PTPRA: variants seen among roughly 807,000 people sequenced by gnomAD.
PTPRA encodes receptor-type tyrosine-protein phosphatase alpha.
PTPRA carries 25 observed loss-of-function variants against 104.8 expected under a neutral mutation model. The ratio of observed to expected loss-of-function variants is 0.24; its 90% CI spans 0.17 to 0.33. The LOEUF is 0.33. PTPRA is among the 10% of genes least tolerant of loss of function. The pLI, the probability that PTPRA is intolerant of heterozygous loss-of-function variation, is 1.00. For missense variants in PTPRA, 765 were observed against 1,015.3 expected, an observed-to-expected ratio of 0.75 and a Z score of 3.35; for synonymous variants, 323 against 368.9, an observed-to-expected ratio of 0.88 and a Z score of 1.43.
intron 1 of PTPRA, among the ~76,000 whole-genome samples, chr20:2,897,887 T>C (rs934910850): frequency 2.6e-5 from 4 of 151,376 alleles, no homozygotes; most frequent in Non-Finnish European, 5.9e-5. Flanking sequence ...CTGTGTCCTT[T>C]TTCCATGTCC....
At chr20:3,020,086 G>A (rs964106584) in intron 13 of PTPRA, among the ~76,000 whole-genome samples, 5 of 151,968 alleles carry the variant, frequency 3.3e-5, no homozygotes, top group Non-Finnish European at 5.9e-5. Context: ...GAGGGAGACC[G>A]TGGGGAGAGG....
chr20:2,879,876 A>G (rs1022438200), intron 1 of PTPRA, among the ~76,000 whole-genome samples: 1 of 152,208 alleles, frequency 6.6e-6, no homozygotes, highest in Non-Finnish European at 1.5e-5. Context: ...ATTTTGTGTA[A>G]GTACCTTTTA....
At chr20:2,940,058 T>C (rs1207234103) in intron 2 of PTPRA, among the ~76,000 whole-genome samples, 1 of 152,212 alleles carries the variant, frequency 6.6e-6, no homozygotes, top group African/African-American at 2.4e-5. Context: ...TGCAGTGAGC[T>C]GAGATCGCGC....
chr20:2,934,176 T>C (rs2060607809), intron 2 of PTPRA, among the ~76,000 whole-genome samples: 1 of 152,124 alleles, frequency 6.6e-6, no homozygotes, highest in African/African-American at 2.4e-5. Context: ...CAATCATGGC[T>C]CACTGCGGCA....
chr20:2,896,463 G>C (rs1745355147), intron 1 of PTPRA, among the ~76,000 whole-genome samples: 2 of 152,194 alleles, frequency 1.3e-5, no homozygotes, highest in Admixed American at 6.5e-5. Flanking sequence ...GAAATTGTTG[G>C]TATTTATTTG....
At chr20:3,020,579 T>C (rs192065273) in intron 13 of PTPRA, among the ~76,000 whole-genome samples, 1 of 152,334 alleles carries the variant, frequency 6.6e-6, no homozygotes, top group Non-Finnish European at 1.5e-5. Context: ...TAACTGGGCC[T>C]TTTCCTTTTG....
At chr20:2,878,792 A>G (rs2089892347) in intron 1 of PTPRA, among the ~76,000 whole-genome samples, 1 of 152,242 alleles carries the variant, frequency 6.6e-6, no homozygotes, top group African/African-American at 2.4e-5. Flanking sequence ...ACCTTGAATT[A>G]GGTTTAATTT....
the PTPRA span, chr20:2,866,516 C>T: frequency 1.2e-6 from 2 of 1,614,180 alleles, no homozygotes; most frequent in Admixed American, 1.7e-5. Flanking sequence ...ACGGGAGCCA[C>T]AGATGGGGCC....
At chr20:3,013,953 C>T (rs2064308126) in intron 11 of PTPRA, among the ~76,000 whole-genome samples, 1 of 152,180 alleles carries the variant, frequency 6.6e-6, no homozygotes, top group African/African-American at 2.4e-5. Flanking sequence ...GCATATGACG[C>T]ACTCCTGGTA....
At chr20:2,984,851 G>A (rs950808683) in intron 6 of PTPRA, among the ~76,000 whole-genome samples, 2 of 152,040 alleles carry the variant, frequency 1.3e-5, no homozygotes, top group South Asian at 2.1e-4. Flanking sequence ...TTCACTTCAC[G>A]TTATTTAGAG....
chr20:2,916,214 A>AT (rs1264081632), intron 1 of PTPRA, among the ~76,000 whole-genome samples: 2 of 151,306 alleles, frequency 1.3e-5, no homozygotes, highest in Non-Finnish European at 2.9e-5. Flanking sequence ...TAATTTTTGT[A>AT]TTTTTTCTAG....
At position 3,038,210 on chromosome 20, in the gene PTPRA, A is replaced by C; in HGVS notation, c.*77A>C. The C allele has an allele frequency of 7.4e-7, 1 of 1,343,468 alleles. No individual in the cohort carries two copies. Among genetic ancestry groups the C allele is most frequent in the Non-Finnish European group, 1.1e-6 (1 of 940,684 alleles). 83.2% of individuals were successfully genotyped at this position (1,343,468 alleles called of 1,614,324 possible). A position where few individuals can be genotyped will look rare whatever the true frequency, so the allele number is the denominator to read the frequency against. ...ATTCTGTTTTGTTAATATACCCCAA[A>C]TTGTGTATATATCTTATAACTGTTT... On this transcript the variant is annotated 3_prime_UTR_variant, in exon 24 of 24. Transcript: ENST00000399903.
rs911504645 is a variant in PTPRA at position 2,873,730 on chromosome 20, T to TC, written c.-155dup. On this transcript the variant is annotated 5_prime_UTR_variant, in exon 1 of 24. Transcript: ENST00000399903. This position sits in a 1 kb window ranked among gnomAD's most constrained non-coding sequence, Gnocchi z 4.4. Reference sequence around the variant, plus strand: ...AGCCGAGGCGGAGCCGCTGTCCTCGTCCCCAGCGGTCCCGCCCAACGCCCG... The same window carrying TC: ...AGCCGAGGCGGAGCCGCTGTCCTCGTCCCCCAGCGGTCCCGCCCAACGCCCG... 5 of 151,544 alleles carry TC rather than the reference T, an allele frequency of 3.3e-5. No homozygotes were observed. The highest frequency in any genetic ancestry group is 7.4e-5 in the Non-Finnish European group (5 of 67,830). 9.4% of individuals were successfully genotyped at this position (151,544 alleles called of 1,614,324 possible).
intron 9 of PTPRA, among the ~76,000 whole-genome samples, chr20:2,996,050 G>A (rs774317921): frequency 4.6e-5 from 7 of 152,074 alleles, no homozygotes; most frequent in Admixed American, 2.0e-4. Context: ...CATCACCCAC[G>A]TTTCCCCTAG....
At chr20:2,951,118 TA>T (rs775100211) in intron 3 of PTPRA, among the ~76,000 whole-genome samples, 17 of 151,760 alleles carry the variant, frequency 1.1e-4, no homozygotes, top group Admixed American at 7.9e-4. Context: ...CTTTTTTTTT[TA>T]GACGGAGTCT....
chr20:2,931,443 ACAG>A (rs2060499640), intron 2 of PTPRA, among the ~76,000 whole-genome samples: 1 of 104,928 alleles, frequency 9.5e-6, no homozygotes. Context: ...AAGGTGATAG[ACAG>A]TCAGCAGGCA....
At chr20:3,014,054 G>C (rs942621777) in intron 11 of PTPRA, among the ~76,000 whole-genome samples, 5 of 152,184 alleles carry the variant, frequency 3.3e-5, no homozygotes, top group African/African-American at 1.2e-4. Flanking sequence ...ATTTAGCAGT[G>C]ACTCCTCATG....
chr20:3,007,494 T>C, intron 11 of PTPRA, 74 bp downstream of exon 11: 1 of 1,432,050 alleles, frequency 7.0e-7, no homozygotes, highest in Non-Finnish European at 9.8e-7. Context: ...TCCCCAGCTG[T>C]GTGTTAGGAG....
In PTPRA at chr20:2,910,305, T is replaced by A. The variant is rs528180005; in HGVS notation, c.-128-12902T>A. Among the ~76,000 whole-genome samples, 444 of 111,682 alleles carry A rather than the reference T, an allele frequency of 4.0e-3. 2 individuals are homozygous for A. Among genetic ancestry groups the A allele is most frequent in the African/African-American group, 0.013 (410 of 31,332 alleles). The allele number at this position is 111,682 out of a possible 152,430, so 73.3% of individuals were successfully genotyped here. A position where few individuals can be genotyped will look rare whatever the true frequency, so the allele number is the denominator to read the frequency against. Reference sequence around the variant, plus strand: ...TTATATATAATATGTATTATATATTTTATATATTATAATATATATTTTATA... The same window carrying A: ...TTATATATAATATGTATTATATATTATATATATTATAATATATATTTTATA... On this transcript the variant is annotated intron_variant, in intron 1 of 23. Transcript: ENST00000399903.
Sources: allele counts gnomAD v4.1 joint callset (sites outside exome capture counted in the v4.1 genomes callset), GRCh38; gene constraint gnomAD v4.1.1; non-coding constraint Gnocchi (gnomAD v3.1); transcripts MANE v1.5; gene names NCBI Gene and HGNC (gene_info 2026-07-23, HGNC 2026-07-21).